Variants in R3HDM2 observed in about 807,000 individuals in gnomAD.
R3HDM2 encodes R3H domain containing 2, also known as R3H domain-containing protein 2.
A neutral mutation model predicts 124.5 loss-of-function variants in R3HDM2; 38 were observed. The observed-to-expected ratio is 0.31, with a 90% CI of 0.24 to 0.40. The LOEUF (loss-of-function observed/expected upper bound fraction) is 0.40. Ranked by LOEUF, R3HDM2 falls within the 10% of genes least tolerant of loss-of-function variation. The pLI is 1.00. For synonymous variants in R3HDM2, 391 were observed against 448.0 expected, an observed-to-expected ratio of 0.87 and a Z score of 1.61; for missense variants, 869 against 1,236.9, an observed-to-expected ratio of 0.70 and a Z score of 4.46.
At chr12:57,329,811 G>A (rs1162382884) in intron 2 of R3HDM2, among the ~76,000 whole-genome samples, 1 of 152,122 alleles carries the variant, frequency 6.6e-6, no homozygotes, top group Non-Finnish European at 1.5e-5. Context: ...AACATGGGAT[G>A]TGTTTCCATT....
chr12:57,316,285 T>C (rs1194655356), intron 2 of R3HDM2, among the ~76,000 whole-genome samples: 1 of 152,202 alleles, frequency 6.6e-6, no homozygotes, highest in Non-Finnish European at 1.5e-5. Context: ...TGAGAATACA[T>C]GATCAGGGAA....
chr12:57,418,292 C>G (rs918154531), intron 1 of R3HDM2: 2 of 985,300 alleles, frequency 2.0e-6, no homozygotes, highest in African/African-American at 3.5e-5. Context: ...TGATTCCTCT[C>G]CTCTATTCTC....
chr12:57,287,562 G>C (rs1285788278), intron 12 of R3HDM2, among the ~76,000 whole-genome samples: 1 of 152,132 alleles, frequency 6.6e-6, no homozygotes, highest in African/African-American at 2.4e-5. Context: ...CACAAGGTTT[G>C]GCTAGCTTTA....
Position 57,298,152 on chromosome 12 carries a change from A to C in R3HDM2, c.438T>G (p.Tyr146Ter). The C allele has an allele frequency of 6.4e-7, 1 of 1,551,078 alleles. No individual in the cohort carries two copies. Among genetic ancestry groups the C allele is most frequent in the Non-Finnish European group, 8.7e-7 (1 of 1,146,668 alleles). ...GTAGGTCTATTCCAGTGGAGTCCGT[A>C]TATTCCTGGCTGGAGTCTAGAACCA... ...KMLSRDSSQE[Y>*]TDSTGIDLHE... Residue 146 changes from tyrosine (Y) to a stop codon, truncating the protein, a stop_gained, in exon 7 of 24, where the codon TAT becomes TAG. Coordinates refer to ENST00000402412, the MANE Select transcript of R3HDM2 (RefSeq NM_001394031.1). LOFTEE classifies it high-confidence loss of function.
chr12:57,255,015 T>C lies in R3HDM2; in HGVS notation c.2731A>G (p.Ile911Val). The change falls in exon 24 of 24, where the codon ATC becomes GTC. Residue 911 changes from isoleucine to valine, a missense_variant. Around this residue, in one of 2 missense-constraint regions of R3HDM2, gnomAD observed 602 missense variants for 789.2 expected, o/e 0.76. Coordinates refer to ENST00000402412, the MANE Select transcript of R3HDM2 (RefSeq NM_001394031.1). ...CCCTGAGCATCCTTGAGCCACTGGATCTTGGCGCCAGACATGGCGAGCTGC... is the reference window on the plus strand; with the variant it reads ...CCCTGAGCATCCTTGAGCCACTGGACCTTGGCGCCAGACATGGCGAGCTGC... ...FTQLAMSGAKIQWLKDAQGLP... is the reference protein window; with the variant it reads ...FTQLAMSGAKVQWLKDAQGLP... The C allele has an allele frequency of 6.2e-7, 1 of 1,613,126 alleles. No homozygotes were observed. The highest frequency in any genetic ancestry group is 8.5e-7 in the Non-Finnish European group (1 of 1,179,838).
chr12:57,358,356 G>C (rs1037403088), intron 2 of R3HDM2, among the ~76,000 whole-genome samples: 2 of 152,040 alleles, frequency 1.3e-5, no homozygotes, highest in African/African-American at 4.8e-5. Flanking sequence ...AGTAATAGAG[G>C]CCAAGTGGAG....
intron 2 of R3HDM2, among the ~76,000 whole-genome samples, chr12:57,346,166 A>G (rs543417869): frequency 1.3e-5 from 2 of 149,274 alleles, no homozygotes; most frequent in Non-Finnish European, 3.0e-5. Flanking sequence ...TCAAAAAAAA[A>G]AAAAAAAAGG....
intron 1 of R3HDM2, among the ~76,000 whole-genome samples, chr12:57,415,998 A>C (rs2069551504): frequency 6.6e-6 from 1 of 152,226 alleles, no homozygotes; most frequent in South Asian, 2.1e-4. Flanking sequence ...AGATAACTGA[A>C]GAAATTTAAA....
chr12:57,371,083 CTTTT>C (rs775839017), intron 2 of R3HDM2, among the ~76,000 whole-genome samples: 1,793 of 40,766 alleles, frequency 0.044, 44 homozygotes, highest in Non-Finnish European at 0.051. Context: ...TATACCATTA[CTTTT>C]TTTTTTTTTT....
chr12:57,413,839 TC>T (rs1287369914), intron 1 of R3HDM2, among the ~76,000 whole-genome samples: 23 of 103,536 alleles, frequency 2.2e-4, no homozygotes, highest in East Asian at 5.8e-4. Context: ...AGATCTGTAA[TC>T]CCCCCCCTTT....
intron 3 of R3HDM2, among the ~76,000 whole-genome samples, chr12:57,309,248 GTTAA>G (rs2053407130): frequency 6.6e-6 from 1 of 152,192 alleles, no homozygotes; most frequent in African/African-American, 2.4e-5. Flanking sequence ...TCTTGCTAGT[GTTAA>G]TTGTCTGTCT....
intron 13 of R3HDM2, among the ~76,000 whole-genome samples, chr12:57,282,009 C>A (rs1319243919): frequency 6.6e-6 from 1 of 152,050 alleles, no homozygotes; most frequent in Non-Finnish European, 1.5e-5. Flanking sequence ...AAAGCTAATG[C>A]CATATTCAAG....
intron 2 of R3HDM2, among the ~76,000 whole-genome samples, chr12:57,390,363 G>A (rs1213227842): frequency 6.6e-6 from 1 of 152,024 alleles, no homozygotes; most frequent in Non-Finnish European, 1.5e-5. Context: ...GAGAGTCTAA[G>A]GGGAACAAGG....
chr12:57,419,373 G>A (rs953515544), intron 1 of R3HDM2, among the ~76,000 whole-genome samples: 10 of 151,390 alleles, frequency 6.6e-5, no homozygotes, highest in Admixed American at 4.6e-4. Context: ...TTGAACTCCT[G>A]ATCTCATGAT....
At chr12:57,255,160 G>A in intron 23 of R3HDM2, 47 bp from the exon 24 acceptor site, 1 of 1,474,414 alleles carries the variant, frequency 6.8e-7, no homozygotes, top group Non-Finnish European at 9.2e-7. Context: ...AATAGGACAG[G>A]AAGGACTTGA....
intron 14 of R3HDM2, among the ~76,000 whole-genome samples, chr12:57,271,464 A>ACG (rs1478164710): frequency 2.0e-5 from 3 of 148,894 alleles, no homozygotes; most frequent in South Asian, 2.2e-4. Flanking sequence ...ACACACACGC[A>ACG]CACACAACTA....
At chr12:57,339,709 AAGAG>A (rs1293488147) in intron 2 of R3HDM2, among the ~76,000 whole-genome samples, 12 of 151,748 alleles carry the variant, frequency 7.9e-5, no homozygotes, top group South Asian at 2.1e-4. Context: ...AAAAAAAAAA[AAGAG>A]AGAGAGAGAA....
intron 1 of R3HDM2, among the ~76,000 whole-genome samples, chr12:57,399,027 T>TAG (rs2067825967): frequency 2.0e-5 from 3 of 152,320 alleles, no homozygotes; most frequent in African/African-American, 7.2e-5. Flanking sequence ...ATAAGACTTC[T>TAG]ATGAAGGATT....
chr12:57,287,203 C>T (rs1192543977), intron 12 of R3HDM2, among the ~76,000 whole-genome samples: 2 of 152,268 alleles, frequency 1.3e-5, no homozygotes, highest in Middle Eastern at 6.8e-3. Context: ...TCCAGCTGAC[C>T]AAATTAGGAT....
Sources: gnomAD v4.1 joint callset for allele counts (sites outside exome capture counted in the v4.1 genomes callset) on GRCh38, gnomAD v4.1.1 for gene constraint, gnomAD v4.1.1 regional missense constraint, MANE v1.5 for transcripts, NCBI Gene and HGNC (gene_info 2026-07-23, HGNC 2026-07-21) for gene names.